Variants in TACR2 observed in about 807,000 individuals in gnomAD.
The protein encoded by TACR2 is tachykinin receptor 2.
A neutral mutation model predicts 28.9 loss-of-function variants in TACR2; 24 were observed. The ratio of observed to expected loss-of-function variants is 0.83; its 90% CI spans 0.60 to 1.17. The LOEUF (loss-of-function observed/expected upper bound fraction) is 1.17. Ranked by LOEUF, TACR2 falls within the 50% of genes most tolerant of loss-of-function variation. TACR2 has a pLI of 0.00. For missense variants in TACR2, 487 were observed against 524.4 expected, an observed-to-expected ratio of 0.93 and a Z score of 0.70; for synonymous variants, 222 against 212.6, an observed-to-expected ratio of 1.04 and a Z score of -0.38.
chr10:69,416,529 C>A lies in TACR2; in HGVS notation c.-206G>T, dbSNP rs201181030. The A allele has an allele frequency of 3.7e-6, 2 of 536,926 alleles. No homozygotes were observed. Among genetic ancestry groups the A allele is most frequent in the African/African-American group, 1.9e-5 (1 of 52,662 alleles). 33.3% of individuals were successfully genotyped at this position (536,926 alleles called of 1,614,324 possible). On this transcript the variant is annotated 5_prime_UTR_variant, in exon 1 of 5. Coordinates refer to ENST00000373306, the MANE Select transcript of TACR2 (RefSeq NM_001057.3). ...GCTGAGCACAAAGCCCAGTCCAGAA[C>A]CATTGTCATTTCAGATTCCATCCTT... is the stretch of plus-strand genomic sequence containing the variant.
In TACR2 at chr10:69,416,714, A is replaced by G. The variant is rs1158507882; in HGVS notation, c.-391T>C. 1 of 172,510 alleles carries G rather than the reference A, an allele frequency of 5.8e-6. No homozygotes were observed. Among genetic ancestry groups the G allele is most frequent in the East Asian group, 1.6e-4 (1 of 6,376 alleles). 10.7% of individuals were successfully genotyped at this position (172,510 alleles called of 1,614,324 possible). ...CCAGGTCACTCAGGAAGTTGGTGAC[A>G]AGTTAGGACTCGAACCCAGGTTTCT... On this transcript the variant is annotated 5_prime_UTR_variant, in exon 1 of 5. Transcript: ENST00000373306.
intron 4 of TACR2, among the ~76,000 whole-genome samples, chr10:69,406,424 T>G (rs1365099257): frequency 6.6e-6 from 1 of 152,062 alleles, no homozygotes; most frequent in Non-Finnish European, 1.5e-5. Context: ...TCACGAGGCG[T>G]AGGGAAACTG....
intron 2 of TACR2, among the ~76,000 whole-genome samples, chr10:69,409,484 C>T (rs1047254859): frequency 1.4e-4 from 22 of 152,212 alleles, no homozygotes; most frequent in African/African-American, 5.3e-4. Flanking sequence ...ATATTTTTTC[C>T]AGAATCATAT....
intron 2 of TACR2, among the ~76,000 whole-genome samples, chr10:69,411,922 C>T (rs961017058): frequency 6.6e-6 from 1 of 152,174 alleles, no homozygotes. Context: ...ACCTCCACCT[C>T]CCAGATTCAA....
intron 2 of TACR2, among the ~76,000 whole-genome samples, chr10:69,414,295 G>A (rs112955614): frequency 0.018 from 2,799 of 152,238 alleles, 92 homozygotes; most frequent in African/African-American, 0.064. Context: ...GTCTCCTGCC[G>A]CTTTGTGGCC....
At chr10:69,413,506 C>T (rs757796198) in intron 2 of TACR2, among the ~76,000 whole-genome samples, 1 of 152,226 alleles carries the variant, frequency 6.6e-6, no homozygotes, top group Non-Finnish European at 1.5e-5. Flanking sequence ...GGGCATTCCC[C>T]ATATATGGAT....
chr10:69,407,066 G>T lies in TACR2; in HGVS notation c.938+18C>A, dbSNP rs200680764. ...TGGGGCCCTGAGGGCAGAGGGTGGG[G>T]CTGGAGTGGGGGCTCACCTGTGGTT... On this transcript the variant is annotated intron_variant, in intron 4 of 4. Coordinates refer to ENST00000373306, the MANE Select transcript of TACR2 (RefSeq NM_001057.3). The T allele has an allele frequency of 2.7e-5, 44 of 1,612,892 alleles. No homozygotes were observed. The highest frequency in any genetic ancestry group is 3.6e-5 in the Non-Finnish European group (43 of 1,179,486).
chr10:69,406,874 G>A (rs1027737178), intron 4 of TACR2, among the ~76,000 whole-genome samples: 3 of 152,184 alleles, frequency 2.0e-5, no homozygotes, highest in African/African-American at 7.2e-5. Flanking sequence ...TGAGGATTTG[G>A]GGAGGAAGGG....
At chr10:69,410,598 A>G (rs1840562502) in intron 2 of TACR2, among the ~76,000 whole-genome samples, 1 of 151,218 alleles carries the variant, frequency 6.6e-6, no homozygotes, top group African/African-American at 2.4e-5. Flanking sequence ...CCTCTCTCTG[A>G]TGAGCTGCAG....
intron 2 of TACR2, among the ~76,000 whole-genome samples, chr10:69,409,865 G>GTATATATATATATACATATATACATA (rs1840546253): frequency 8.4e-6 from 1 of 118,972 alleles, no homozygotes; most frequent in East Asian, 3.4e-4. Flanking sequence ...ATATGTATAT[G>GTATATATATATATACATATATACATA]TATATATATA....
chr10:69,408,899 C>T, intron 3 of TACR2, 23 bp downstream of exon 3: 1 of 1,093,964 alleles, frequency 9.1e-7, no homozygotes, highest in Non-Finnish European at 1.1e-6. Flanking sequence ...CCGCCCCCTC[C>T]AGGCCCCCGC....
intron 2 of TACR2, among the ~76,000 whole-genome samples, chr10:69,411,313 T>G (rs1286622362): frequency 6.6e-6 from 1 of 152,210 alleles, no homozygotes; most frequent in Non-Finnish European, 1.5e-5. Flanking sequence ...AACTCTATCT[T>G]GCTTCTAATC....
chr10:69,411,430 A>G (rs1840568619), intron 2 of TACR2, among the ~76,000 whole-genome samples: 1 of 152,214 alleles, frequency 6.6e-6, no homozygotes, highest in South Asian at 2.1e-4. Flanking sequence ...CCTTTCCTGA[A>G]AAGACCCCCT....
At chr10:69,411,406 A>G (rs968731306) in intron 2 of TACR2, among the ~76,000 whole-genome samples, 5 of 152,326 alleles carry the variant, frequency 3.3e-5, no homozygotes, top group Non-Finnish European at 7.3e-5. Context: ...CTCTGAAGCA[A>G]AATTGATAAC....
chr10:69,415,268 T>C, intron 1 of TACR2, 129 bp from the exon 2 acceptor site: 3 of 1,040,170 alleles, frequency 2.9e-6, no homozygotes, highest in Non-Finnish European at 4.1e-6. Flanking sequence ...CATCTGCTGA[T>C]ATCATAGTAT....
At chr10:69,415,178 T>G in intron 1 of TACR2, 39 bp from the exon 2 acceptor site, 4 of 1,581,930 alleles carry the variant, frequency 2.5e-6, no homozygotes, top group Non-Finnish European at 3.4e-6. Flanking sequence ...GGGGCCCTCC[T>G]GTTAGCCCAG....
intron 1 of TACR2, 50 bp from the exon 2 acceptor site, chr10:69,415,189 C>A: frequency 1.9e-6 from 3 of 1,563,732 alleles, no homozygotes; most frequent in Non-Finnish European, 2.6e-6. Flanking sequence ...GTTAGCCCAG[C>A]TCCCTTTCCC....
rs749006853 is a variant in TACR2 at position 69,405,087 on chromosome 10, G to A, written c.939-3C>T. On this transcript the variant is annotated splice_region_variant and splice_polypyrimidine_tract_variant and intron_variant, in intron 4 of 4. Transcript: ENST00000373306. Reference sequence around the variant, plus strand: ...CAAGCCGGAATCCAGAGCGAAACCTGGGGGAGCGAGGGGCACCTTGAGCCA... The same window carrying A: ...CAAGCCGGAATCCAGAGCGAAACCTAGGGGAGCGAGGGGCACCTTGAGCCA... The A allele has an allele frequency of 6.2e-7, 1 of 1,612,274 alleles. No individual in the cohort carries two copies. The highest frequency in any genetic ancestry group is 1.1e-5 in the South Asian group (1 of 90,920).
chr10:69,409,156 G>A, intron 2 of TACR2, 81 bp from the exon 3 acceptor site: 5 of 1,374,338 alleles, frequency 3.6e-6, no homozygotes, highest in Non-Finnish European at 4.7e-6. Flanking sequence ...CTGGGACCCC[G>A]CGGGCACTGT....
Sources: gnomAD v4.1 joint callset for allele counts (sites outside exome capture counted in the v4.1 genomes callset) on GRCh38, gnomAD v4.1.1 for gene constraint, MANE v1.5 for transcripts, NCBI Gene and HGNC (gene_info 2026-07-23, HGNC 2026-07-21) for gene names.